Variants in ANO3 observed in about 807,000 individuals in gnomAD.
ANO3 encodes anoctamin-3.
Under a neutral mutation model 144.8 loss-of-function variants are expected in ANO3, and 99 were observed. The observed-to-expected ratio is 0.68, with a 90% CI of 0.58 to 0.81. The LOEUF is 0.81. ANO3 is among the 30% of genes least tolerant of loss of function. The probability of loss-of-function intolerance (pLI) is 0.00; values close to 1 mark genes in which losing one functional copy is unlikely to be tolerated. For synonymous variants in ANO3, 414 were observed against 392.6 expected (o/e 1.05, Z -0.64); for missense variants, 905 against 1,202.2 (o/e 0.75, Z 3.66).
At position 26,461,467 on chromosome 11, in the gene ANO3, C is replaced by T. The variant is rs571596497; in HGVS notation, c.314-1563C>T. ...TTCACACCTTCATCCTTCCTATCTA[C>T]GTATTTTTCTCAAATTCACTGACCA... On this transcript the variant is annotated intron_variant, in intron 3 of 26. Coordinates refer to ENST00000256737, the MANE Select transcript of ANO3 (RefSeq NM_031418.4). 1.9e-4 allele frequency among the ~76,000 whole-genome samples: 29 copies of T among 152,074 alleles called. No individual in the cohort carries two copies. In the South Asian group the frequency reaches 4.8e-3, roughly 25 times the overall value.
At chr11:26,535,603 G>GAT in intron 9 of ANO3, among the ~76,000 whole-genome samples, 1 of 52,924 alleles carries the variant, frequency 1.9e-5, no homozygotes, top group Non-Finnish European at 3.3e-5. Context: ...TTTTTTTTCA[G>GAT]ATGGAGTCTT....
chr11:26,476,889 T>TTGTGTGTGTGTGTA (rs1160712567), intron 4 of ANO3, among the ~76,000 whole-genome samples: 1 of 136,306 alleles, frequency 7.3e-6, no homozygotes, highest in Non-Finnish European at 1.6e-5. Flanking sequence ...TGTTATAATT[T>TTGTGTGTGTGTGTA]TGTGTGTGTG....
intron 14 of ANO3, among the ~76,000 whole-genome samples, chr11:26,586,499 G>A (rs1283271150): frequency 1.9e-5 from 1 of 52,758 alleles, no homozygotes; most frequent in Non-Finnish European, 3.7e-5. Flanking sequence ...TCCCTGGTGA[G>A]AATCTTTTTT....
chr11:26,267,992 G>A (rs1853352694), intron 1 of ANO3, among the ~76,000 whole-genome samples: 1 of 151,974 alleles, frequency 6.6e-6, no homozygotes. Flanking sequence ...TAAAAATGTG[G>A]CACTAATAAG....
chr11:26,487,585 A>G (rs1860505857), intron 4 of ANO3, among the ~76,000 whole-genome samples: 1 of 152,152 alleles, frequency 6.6e-6, no homozygotes, highest in South Asian at 2.1e-4. Flanking sequence ...AAAATGTGGG[A>G]AAGCTTGGAA....
chr11:26,265,729 C>G (rs1853294019), intron 1 of ANO3, among the ~76,000 whole-genome samples: 1 of 152,190 alleles, frequency 6.6e-6, no homozygotes. Context: ...TGGCTCAAGA[C>G]TTGAGCTAGG....
intron 1 of ANO3, among the ~76,000 whole-genome samples, chr11:26,200,653 G>A (rs1851675845): frequency 6.6e-6 from 1 of 152,012 alleles, no homozygotes; most frequent in Non-Finnish European, 1.5e-5. Context: ...AGAGAACCAG[G>A]GCAGCCATGC....
intron 14 of ANO3, among the ~76,000 whole-genome samples, chr11:26,593,007 G>A (rs1052861807): frequency 3.3e-5 from 5 of 151,956 alleles, no homozygotes; most frequent in Admixed American, 1.3e-4. Context: ...CAGTTCTTTT[G>A]TCTTCAATAT....
chr11:26,518,175 T>G (rs1204070006), intron 6 of ANO3, among the ~76,000 whole-genome samples: 3 of 152,114 alleles, frequency 2.0e-5, no homozygotes, highest in Non-Finnish European at 1.5e-5. Flanking sequence ...AGTTTGCATT[T>G]GTGCTAAACA....
At chr11:26,245,942 T>C (rs1306698415) in intron 1 of ANO3, among the ~76,000 whole-genome samples, 1 of 152,224 alleles carries the variant, frequency 6.6e-6, no homozygotes, top group Non-Finnish European at 1.5e-5. Flanking sequence ...CTTCAGGTCT[T>C]TCCTCCTGCA....
chr11:26,484,236 T>A (rs1860350054), intron 4 of ANO3, among the ~76,000 whole-genome samples: 1 of 152,054 alleles, frequency 6.6e-6, no homozygotes, highest in Non-Finnish European at 1.5e-5. Flanking sequence ...CTGATTTTCT[T>A]GGGGGGAGTT....
At chr11:26,291,526 T>A (rs1005983314) in intron 1 of ANO3, among the ~76,000 whole-genome samples, 3 of 152,234 alleles carry the variant, frequency 2.0e-5, no homozygotes, top group African/African-American at 7.2e-5. Flanking sequence ...CATTTTGGCA[T>A]GTTTTTGCAG....
At chr11:26,417,497 T>A (rs1857624903) in intron 1 of ANO3, among the ~76,000 whole-genome samples, 1 of 151,624 alleles carries the variant, frequency 6.6e-6, no homozygotes, top group Admixed American at 6.6e-5. Context: ...AATTCAAGAG[T>A]GAACAAACAG....
chr11:26,389,837 T>C (rs533056946), intron 1 of ANO3, among the ~76,000 whole-genome samples: 3 of 152,246 alleles, frequency 2.0e-5, no homozygotes, highest in East Asian at 3.9e-4. Context: ...CTCTCTAGAA[T>C]TCTAGAATTT....
At chr11:26,452,844 C>T (rs1248148360) in intron 3 of ANO3, among the ~76,000 whole-genome samples, 2 of 152,152 alleles carry the variant, frequency 1.3e-5, no homozygotes, top group African/African-American at 4.8e-5. Context: ...GATGGGTTAC[C>T]TACAAAGGGA....
intron 6 of ANO3, among the ~76,000 whole-genome samples, chr11:26,522,155 G>T (rs1260486664): frequency 6.6e-6 from 1 of 152,086 alleles, no homozygotes; most frequent in Non-Finnish European, 1.5e-5. Context: ...CTGCACTCCA[G>T]CCTGGGCGAC....
At chr11:26,415,339 G>A (rs1336174605) in intron 1 of ANO3, among the ~76,000 whole-genome samples, 1 of 151,984 alleles carries the variant, frequency 6.6e-6, no homozygotes, top group African/African-American at 2.4e-5. Flanking sequence ...CCTTACTGAG[G>A]ATGCTAACAT....
chr11:26,560,423 T>G (rs1292939583), intron 14 of ANO3: 1 of 152,178 alleles, frequency 6.6e-6, no homozygotes. Flanking sequence ...CTTTCCTGGG[T>G]AGGGTCAGCT....
chr11:26,391,690 T>G (rs974090158), intron 1 of ANO3, among the ~76,000 whole-genome samples: 2 of 152,130 alleles, frequency 1.3e-5, no homozygotes, highest in African/African-American at 4.8e-5. Flanking sequence ...TAATACATTC[T>G]TGTTCGTTGT....
Sources: allele counts gnomAD v4.1 joint callset (sites outside exome capture counted in the v4.1 genomes callset), GRCh38; gene constraint gnomAD v4.1.1; transcripts MANE v1.5; gene names NCBI Gene and HGNC (gene_info 2026-07-23, HGNC 2026-07-21).